EXT1: variants seen among roughly 807,000 people sequenced by gnomAD.
The protein encoded by EXT1 is exostosin-1.
EXT1 carries 20 observed loss-of-function variants against 82.5 expected under a neutral mutation model. The ratio of observed to expected loss-of-function variants is 0.24; its 90% CI spans 0.17 to 0.35. The LOEUF is 0.35. Among genes scored for constraint, EXT1 ranks in the 10% least tolerant of loss-of-function variants. The pLI, the probability that EXT1 is intolerant of heterozygous loss-of-function variation, is 1.00. For synonymous variants in EXT1, 348 were observed against 350.8 expected, an observed-to-expected ratio of 0.99 and a Z score of 0.09; for missense variants, 757 against 936.5, an observed-to-expected ratio of 0.81 and a Z score of 2.50.
At chr8:117,867,223 T>C (rs1180727899) in intron 1 of EXT1, among the ~76,000 whole-genome samples, 2 of 136,652 alleles carry the variant, frequency 1.5e-5, no homozygotes, top group African/African-American at 5.6e-5. Context: ...TGCACCACTG[T>C]ACTCCAGCCT....
chr8:118,023,906 C>G (rs1180337221), intron 1 of EXT1, among the ~76,000 whole-genome samples: 1 of 152,216 alleles, frequency 6.6e-6, no homozygotes, highest in Non-Finnish European at 1.5e-5. Context: ...TTTGTTCACC[C>G]TCACATTGTG....
At chr8:117,852,090 A>C (rs1296785218) in intron 1 of EXT1, among the ~76,000 whole-genome samples, 3 of 152,248 alleles carry the variant, frequency 2.0e-5, no homozygotes, top group African/African-American at 7.2e-5. Flanking sequence ...GTAGCATTAT[A>C]TCTCCCATTT....
chr8:118,061,655 C>T (rs1038373680), intron 1 of EXT1, among the ~76,000 whole-genome samples: 1 of 152,158 alleles, frequency 6.6e-6, no homozygotes, highest in African/African-American at 2.4e-5. Context: ...TTGAAAAGTA[C>T]TTTGTTCAAC....
At chr8:118,016,157 C>T (rs951835833) in intron 1 of EXT1, among the ~76,000 whole-genome samples, 2 of 152,134 alleles carry the variant, frequency 1.3e-5, no homozygotes, top group Admixed American at 6.5e-5. Flanking sequence ...TTTGGGAAGC[C>T]GAGGTGGGCA....
At position 117,965,834 on chromosome 8, in the gene EXT1, C is replaced by T. The variant is rs148838619; in HGVS notation, c.963-128633G>A. On this transcript the variant is annotated intron_variant, in intron 1 of 10. Coordinates refer to ENST00000378204, the MANE Select transcript of EXT1 (RefSeq NM_000127.3). ...ATCCTAATTATGTGCTAACTATTCA[C>T]GTAGATAATTCTGATATGTGGAATA... 3.0e-3 allele frequency among the ~76,000 whole-genome samples: 455 copies of T among 152,238 alleles called. 2 individuals carry two copies. Among genetic ancestry groups the T allele is most frequent in the Non-Finnish European group, 5.2e-3 (353 of 68,010 alleles).
In EXT1 at chr8:117,835,500, C is replaced by G; in HGVS notation, c.1108G>C (p.Glu370Gln). 2.5e-6 allele frequency: 4 copies of G among 1,614,194 alleles called. No homozygotes were observed. Among genetic ancestry groups the G allele is most frequent in the Non-Finnish European group, 3.4e-6 (4 of 1,180,022 alleles). Residue 370 changes from glutamate (E) to glutamine (Q), a missense_variant, in exon 3 of 11, where the codon GAA (glutamate) becomes CAA (glutamine). This residue lies in a region of EXT1 where 247 missense variants were observed against 330.1 expected (regional missense o/e 0.75). Transcript: ENST00000378204. ...GCAGCTTGGTTCCAATTAATCACTT[C>G]AGAGAATGGCAACTCCCATCCATTG... ...LSNGWELPFS[E>Q]VINWNQAAVI...
At chr8:118,054,500 G>A (rs1416337206) in intron 1 of EXT1, among the ~76,000 whole-genome samples, 1 of 152,146 alleles carries the variant, frequency 6.6e-6, no homozygotes, top group African/African-American at 2.4e-5. Flanking sequence ...GATAATAATC[G>A]CTGCCACTGC....
intron 1 of EXT1, among the ~76,000 whole-genome samples, chr8:118,074,441 G>C (rs947401774): frequency 3.9e-5 from 6 of 152,182 alleles, no homozygotes; most frequent in African/African-American, 4.8e-5. Flanking sequence ...CCGTCTGTCC[G>C]GGCTGCTGAG....
intron 2 of EXT1, among the ~76,000 whole-genome samples, chr8:117,836,106 A>G (rs573312803): frequency 3.8e-4 from 58 of 152,340 alleles, no homozygotes; most frequent in Non-Finnish European, 7.6e-4. Context: ...TTCAGTGTGG[A>G]GTGATCTAAA....
intron 1 of EXT1, among the ~76,000 whole-genome samples, chr8:118,037,349 G>A (rs907082763): frequency 1.1e-4 from 17 of 151,256 alleles, no homozygotes; most frequent in Non-Finnish European, 2.2e-4. Flanking sequence ...CTGCCCTCGA[G>A]TACCTTACAA....
At chr8:118,067,087 C>T (rs538478662) in intron 1 of EXT1, among the ~76,000 whole-genome samples, 162 of 152,364 alleles carry the variant, frequency 1.1e-3, no homozygotes, top group Non-Finnish European at 2.0e-3. Flanking sequence ...ACAATCCCCT[C>T]TCTCACTGAC....
chr8:118,000,715 A>G (rs1815643909), intron 1 of EXT1, among the ~76,000 whole-genome samples: 2 of 152,194 alleles, frequency 1.3e-5, no homozygotes, highest in South Asian at 4.1e-4. Context: ...CCATTTCCCA[A>G]TGTCTTCTTG....
At chr8:117,861,460 A>C (rs1441443336) in intron 1 of EXT1, among the ~76,000 whole-genome samples, 1 of 151,380 alleles carries the variant, frequency 6.6e-6, no homozygotes, top group Non-Finnish European at 1.5e-5. Context: ...AGAGCATGGA[A>C]ATGCCATTTG....
At chr8:117,984,149 T>A (rs577880147) in intron 1 of EXT1, among the ~76,000 whole-genome samples, 1 of 152,242 alleles carries the variant, frequency 6.6e-6, no homozygotes, top group Non-Finnish European at 1.5e-5. Context: ...CCGAGCACAG[T>A]GGCTCACACC....
chr8:118,049,848 G>A (rs1816689307), intron 1 of EXT1, among the ~76,000 whole-genome samples: 1 of 151,994 alleles, frequency 6.6e-6, no homozygotes, highest in Non-Finnish European at 1.5e-5. Flanking sequence ...GCAGCCCCAC[G>A]ACCGCCAGGG....
chr8:117,830,166 G>A, intron 4 of EXT1, 64 bp downstream of exon 4: 1 of 1,608,556 alleles, frequency 6.2e-7, no homozygotes, highest in Non-Finnish European at 8.5e-7. Context: ...TAGCAAAACA[G>A]AAGGCTGAGA....
chr8:117,814,400 T>A (rs1811758426), intron 7 of EXT1, among the ~76,000 whole-genome samples: 1 of 152,108 alleles, frequency 6.6e-6, no homozygotes, highest in South Asian at 2.1e-4. Context: ...ACCATAAGAA[T>A]AACATTTTTT....
At chr8:117,977,084 T>A (rs550956381) in intron 1 of EXT1, among the ~76,000 whole-genome samples, 76 of 152,130 alleles carry the variant, frequency 5.0e-4, no homozygotes, top group East Asian at 1.4e-3. Context: ...TGATTTTTTT[T>A]AAAAAGATGA....
At chr8:117,912,741 C>T (rs941507077) in intron 1 of EXT1, among the ~76,000 whole-genome samples, 15 of 152,168 alleles carry the variant, frequency 9.9e-5, no homozygotes, top group African/African-American at 3.6e-4. Flanking sequence ...AAAGCATATA[C>T]ATATAATGTC....
Sources: allele counts gnomAD v4.1 joint callset (sites outside exome capture counted in the v4.1 genomes callset), GRCh38; gene constraint gnomAD v4.1.1; regional missense constraint gnomAD v4.1.1; transcripts MANE v1.5; gene names NCBI Gene and HGNC (gene_info 2026-07-23, HGNC 2026-07-21).